Variants in MAN2B2 observed in about 807,000 individuals in gnomAD.
The protein encoded by MAN2B2 is mannosidase alpha class 2B member 2, also known as epididymis-specific alpha-mannosidase.
Under a neutral mutation model 117.1 loss-of-function variants are expected in MAN2B2, and 106 were observed. That is an observed-to-expected ratio of 0.90 (90% CI 0.77 to 1.06). The LOEUF (loss-of-function observed/expected upper bound fraction) is 1.06, where lower values mean the gene tolerates loss of function less well. Ranked by LOEUF, MAN2B2 falls within the 50% of genes least tolerant of loss-of-function variation. The pLI is 0.00. For missense variants in MAN2B2, 1,326 were observed against 1,381.4 expected (o/e 0.96, Z 0.64); for synonymous variants, 544 against 595.1 (o/e 0.91, Z 1.25).
At chr4:6,590,391 A>T (rs892961348) in intron 5 of MAN2B2, among the ~76,000 whole-genome samples, 1 of 152,070 alleles carries the variant, frequency 6.6e-6, no homozygotes, top group Non-Finnish European at 1.5e-5. Flanking sequence ...GTCTCAATCA[A>T]TCAATCAATC....
chr4:6,614,286 C>T lies in MAN2B2; in HGVS notation c.2632C>T (p.Gln878Ter). Residue 878 changes from glutamine (Q) to a stop codon, truncating the protein, a stop_gained, in exon 16 of 19, where the codon CAG becomes TAG. Transcript: ENST00000285599. LOFTEE classifies it high-confidence loss of function. ...AVTLPPNLHLQILSIPGWRYS... is the reference protein window; with the variant it reads ...AVTLPPNLHL ...GACGCTGCCCCCGAATCTTCACCTG[C>T]AGATCCTGAGCATCCCTGGCTGGCG... is the stretch of plus-strand genomic sequence containing the variant. The T allele has an allele frequency of 6.2e-7, 1 of 1,614,156 alleles. No homozygotes were observed. The highest frequency in any genetic ancestry group is 1.7e-5 in the Admixed American group (1 of 60,016).
intron 10 of MAN2B2, among the ~76,000 whole-genome samples, chr4:6,603,064 C>G (rs1241018460): frequency 6.6e-6 from 1 of 152,088 alleles, no homozygotes; most frequent in Non-Finnish European, 1.5e-5. Flanking sequence ...ACTCCCCTGC[C>G]TTTGGGAATA....
At position 6,575,284 on chromosome 4, in the gene MAN2B2, G is replaced by T; in HGVS notation, c.74G>T (p.Gly25Val). 2 of 1,564,184 alleles carry T rather than the reference G, an allele frequency of 1.3e-6. No individual in the cohort carries two copies. The highest frequency in any genetic ancestry group is 1.9e-5 in the Admixed American group (1 of 53,734). ...LLRPPGVQSA[G>V]PIRAFVVPHS... ...CGACCGCCAGGGGTCCAGTCCGCCG[G>T]CCCCATCCGGGCCTTCGTGGTGCCC... is the stretch of plus-strand genomic sequence containing the variant. The change falls in exon 1 of 19, where the codon GGC becomes GTC. Residue 25 changes from glycine to valine, a missense_variant. By Grantham distance (109) the Gly-to-Val change is moderately radical (BLOSUM62 -3). Coordinates refer to ENST00000285599, the MANE Select transcript of MAN2B2 (RefSeq NM_015274.3).
chr4:6,604,406 A>G (rs1727449506), intron 10 of MAN2B2, among the ~76,000 whole-genome samples: 1 of 148,316 alleles, frequency 6.7e-6, no homozygotes, highest in African/African-American at 2.5e-5. Context: ...AGGGAGATGA[A>G]AGGCCTCAAG....
intron 10 of MAN2B2, among the ~76,000 whole-genome samples, chr4:6,604,442 G>A (rs1432331710): frequency 3.8e-4 from 58 of 151,438 alleles, no homozygotes; most frequent in African/African-American, 1.2e-3. Flanking sequence ...CTTGGTGGTG[G>A]GTGGGAGTGG....
At chr4:6,607,934 G>T (rs974378190) in intron 11 of MAN2B2, among the ~76,000 whole-genome samples, 1 of 152,176 alleles carries the variant, frequency 6.6e-6, no homozygotes, top group Non-Finnish European at 1.5e-5. Context: ...TCTCGTGGGC[G>T]AGAAGTGGCA....
chr4:6,617,238 T>C lies in MAN2B2; in HGVS notation c.2702-142T>C, dbSNP rs574072723. 1.8e-5 allele frequency: 11 copies of C among 620,012 alleles called. No individual in the cohort carries two copies. In the East Asian group the frequency reaches 2.8e-4, roughly 16 times the overall value. 38.4% of individuals were successfully genotyped at this position (620,012 alleles called of 1,614,324 possible). ...TGGGAGCTACAATTCACGATGAGATTTGGTTGGGGACACAGCCAAACCATA... is the reference window on the plus strand; with the variant it reads ...TGGGAGCTACAATTCACGATGAGATCTGGTTGGGGACACAGCCAAACCATA... On this transcript the variant is annotated intron_variant, in intron 16 of 18. Coordinates refer to ENST00000285599, the MANE Select transcript of MAN2B2 (RefSeq NM_015274.3).
rs576652365 is a variant in MAN2B2 at position 6,615,563 on chromosome 4, G to A, written c.2701+1208G>A. Among the ~76,000 whole-genome samples, 83 of 152,154 alleles carry A rather than the reference G, an allele frequency of 5.5e-4. 1 individual carries two copies. The highest frequency in any genetic ancestry group is 1.7e-3 in the African/African-American group (69 of 41,528). On this transcript the variant is annotated intron_variant, in intron 16 of 18. Coordinates refer to ENST00000285599, the MANE Select transcript of MAN2B2 (RefSeq NM_015274.3). The stretch of plus-strand genomic sequence containing the variant: ...TGTAATGCCAGCACTTTGGGAGGCC[G>A]AGGTAGCAGGATCACTTCAGGCCAG...
intron 4 of MAN2B2, among the ~76,000 whole-genome samples, chr4:6,588,278 C>T (rs964232684): frequency 2.0e-5 from 3 of 152,230 alleles, no homozygotes; most frequent in African/African-American, 7.2e-5. Context: ...CTCTCCTTGG[C>T]TTGTGGATGC....
Position 6,587,796 on chromosome 4 carries a change from C to G in MAN2B2, c.564+628C>G, listed in dbSNP as rs1178919771. ...TTGAGACAGGGTCTTGCTCTGTCAC[C>G]CAGGCTGGAATGCAGTAGCACAATC... On this transcript the variant is annotated intron_variant, in intron 4 of 18. Transcript: ENST00000285599. 7.1e-5 allele frequency among the ~76,000 whole-genome samples: 10 copies of G among 141,712 alleles called. No individual in the cohort carries two copies. In the East Asian group the frequency reaches 2.2e-3, roughly 31 times the overall value. The allele number at this position is 141,712 out of a possible 152,430, so 93.0% of individuals were successfully genotyped here. A position where few individuals can be genotyped will look rare whatever the true frequency, so the allele number is the denominator to read the frequency against.
At chr4:6,592,094 G>A (rs1026882225) in intron 5 of MAN2B2, among the ~76,000 whole-genome samples, 2 of 152,200 alleles carry the variant, frequency 1.3e-5, no homozygotes, top group Non-Finnish European at 2.9e-5. Context: ...GCAGTCAGAC[G>A]GCCCTGGGTT....
intron 16 of MAN2B2, among the ~76,000 whole-genome samples, chr4:6,615,143 C>G (rs1229121400): frequency 3.3e-5 from 5 of 152,208 alleles, no homozygotes; most frequent in Admixed American, 3.3e-4. Context: ...CACCTGGAAT[C>G]CCAGCACTTA....
Position 6,620,040 on chromosome 4 carries a change from C to G in MAN2B2, c.2928C>G (p.His976Gln). Reference protein sequence around the residue: ...RWSWRTGPGRHRGDTTSPSRP... With the variant: ...RWSWRTGPGRQRGDTTSPSRP... ...GCTGGAGGACGGGGCCTGGCCGCCA[C>G]AGAGGTTTGGGGACCCCCGCTTCAG... The change falls in exon 18 of 19, where the codon CAC becomes CAG. Residue 976 changes from histidine (H) to glutamine (Q), a missense_variant. Coordinates refer to ENST00000285599, the MANE Select transcript of MAN2B2 (RefSeq NM_015274.3). 1 of 1,610,772 alleles carries G rather than the reference C, an allele frequency of 6.2e-7. No homozygotes were observed. Among genetic ancestry groups the G allele is most frequent in the Non-Finnish European group, 8.5e-7 (1 of 1,178,702 alleles).
At chr4:6,598,970 G>A (rs141932602) in intron 9 of MAN2B2, among the ~76,000 whole-genome samples, 169 of 152,382 alleles carry the variant, frequency 1.1e-3, no homozygotes, top group African/African-American at 3.9e-3. Flanking sequence ...GGACTGAGGG[G>A]TTTCCAAACT....
Position 6,610,124 on chromosome 4 carries a change from C to T in MAN2B2, c.2259+74C>T, listed in dbSNP as rs1045751353. The T allele has an allele frequency of 1.1e-5, 16 of 1,520,646 alleles. No homozygotes were observed. In the African/African-American group the frequency reaches 1.9e-4, roughly 18 times the overall value. The allele number at this position is 1,520,646 out of a possible 1,614,324, so 94.2% of individuals were successfully genotyped here. A position where few individuals can be genotyped will look rare whatever the true frequency, so the allele number is the denominator to read the frequency against. On this transcript the variant is annotated intron_variant, in intron 13 of 18. Transcript: ENST00000285599. ...GGACCCATTAAGCATCAAATTGCAG[C>T]AGTAGAGGCCAGTAGAGGCCTCCAG...
intron 5 of MAN2B2, among the ~76,000 whole-genome samples, chr4:6,592,152 G>C (rs1726885188): frequency 6.6e-6 from 1 of 152,234 alleles, no homozygotes; most frequent in African/African-American, 2.4e-5. Flanking sequence ...TCTTGGAAGA[G>C]GAAAGACAAC....
Position 6,597,094 on chromosome 4 carries a change from A to G in MAN2B2, c.1058-19A>G, listed in dbSNP as rs776303662. On this transcript the variant is annotated intron_variant, in intron 7 of 18. Transcript: ENST00000285599. ...TGGGTCATGCCGTCTCAAGCTCACC[A>G]TCTTCCCTTGTCTCCCAGAACCATT... 3 of 1,609,048 alleles carry G rather than the reference A, an allele frequency of 1.9e-6. No homozygotes were observed. The highest frequency in any genetic ancestry group is 2.5e-6 in the Non-Finnish European group (3 of 1,177,326).
chr4:6,582,344 T>C (rs1043973515), intron 3 of MAN2B2, among the ~76,000 whole-genome samples: 2 of 151,960 alleles, frequency 1.3e-5, no homozygotes, highest in African/African-American at 4.8e-5. Context: ...GTTGCTGCTG[T>C]TGTTGTTGTT....
chr4:6,612,573 A>G (rs557271826), intron 15 of MAN2B2, among the ~76,000 whole-genome samples: 103 of 152,350 alleles, frequency 6.8e-4, no homozygotes, highest in African/African-American at 2.3e-3. Flanking sequence ...GCTCACAGCC[A>G]TGTCTCCCAG....
Sources: allele counts gnomAD v4.1 joint callset (sites outside exome capture counted in the v4.1 genomes callset), GRCh38; gene constraint gnomAD v4.1.1; transcripts MANE v1.5; gene names NCBI Gene and HGNC (gene_info 2026-07-23, HGNC 2026-07-21).